The following VTI1A variants were observed in gnomAD, a reference collection of about 807,000 sequenced individuals.
The protein encoded by VTI1A is vesicle transport through interaction with t-SNAREs homolog 1A.
A neutral mutation model predicts 34.9 loss-of-function variants in VTI1A; 22 were observed. That is an observed-to-expected ratio of 0.63 (90% CI 0.45 to 0.90). VTI1A has a LOEUF of 0.90. VTI1A is among the 40% of genes least tolerant of loss of function. VTI1A has a pLI of 0.00. For synonymous variants in VTI1A, 87 were observed against 97.3 expected, an observed-to-expected ratio of 0.89 and a Z score of 0.62; for missense variants, 268 against 275.6, an observed-to-expected ratio of 0.97 and a Z score of 0.20.
Position 112,763,693 on chromosome 10 carries a change from A to G in VTI1A, c.561-51597A>G, listed in dbSNP as rs142492214. ...TGTGTTTGGGAGTTTTGTACAATAT[A>G]TTGATATAAGCTCTCTTGGTTTGGG... On this transcript the variant is annotated intron_variant, in intron 7 of 7. Transcript: ENST00000393077. 2.6e-3 allele frequency among the ~76,000 whole-genome samples: 389 copies of G among 152,206 alleles called. 3 individuals carry two copies. The highest frequency in any genetic ancestry group is 9.0e-3 in the African/African-American group (372 of 41,526).
intron 7 of VTI1A, among the ~76,000 whole-genome samples, chr10:112,709,974 T>C (rs758668359): frequency 1.1e-4 from 16 of 145,492 alleles, no homozygotes; most frequent in Non-Finnish European, 1.1e-4. Context: ...TTGCTTTGAT[T>C]GTACTGCTCT....
chr10:112,548,672 G>C (rs953359858), intron 5 of VTI1A: 5 of 1,197,698 alleles, frequency 4.2e-6, no homozygotes, highest in Admixed American at 1.7e-5. Context: ...GACTTTGCCA[G>C]CTCCAGCAGC....
At chr10:112,834,554 C>T in the VTI1A span, among the ~76,000 whole-genome samples, 1 of 152,222 alleles carries the variant, frequency 6.6e-6, no homozygotes, top group Non-Finnish European at 1.5e-5. Context: ...GTGCCACCTG[C>T]CCTGGGGAGA....
rs996489077 is a variant in VTI1A, at chr10:112,634,504, CACACACACAT to C, written c.428-33704_428-33695del. On this transcript the variant is annotated intron_variant, in intron 5 of 7. Coordinates refer to ENST00000393077, the MANE Select transcript of VTI1A (RefSeq NM_145206.4). ...GTGGTTATACACACACACACAGACA[CACACACACAT>C]ACACACACACACACACACACACACA... 8.8e-5 allele frequency among the ~76,000 whole-genome samples: 10 copies of C among 113,268 alleles called. 1 individual carries two copies. The highest frequency in any genetic ancestry group is 2.8e-4 in the African/African-American group (8 of 28,494). The allele number at this position is 113,268 out of a possible 152,430, so 74.3% of individuals were successfully genotyped here. A position where few individuals can be genotyped will look rare whatever the true frequency, so the allele number is the denominator to read the frequency against.
chr10:112,570,249 T>G (rs1381707725), intron 5 of VTI1A, among the ~76,000 whole-genome samples: 1 of 152,222 alleles, frequency 6.6e-6, no homozygotes, highest in Non-Finnish European at 1.5e-5. Context: ...ACAAAATTTT[T>G]TTTTTTAAGT....
chr10:112,549,239 G>C (rs1851254163), intron 5 of VTI1A, among the ~76,000 whole-genome samples: 1 of 151,286 alleles, frequency 6.6e-6, no homozygotes, highest in African/African-American at 2.4e-5. Context: ...GGTGAAAGTG[G>C]TATAAGATTA....
At chr10:112,783,391 G>A (rs550485416) in intron 7 of VTI1A, among the ~76,000 whole-genome samples, 153 of 106,310 alleles carry the variant, frequency 1.4e-3, no homozygotes, top group Non-Finnish European at 2.2e-3. Flanking sequence ...GTGCATGCCC[G>A]CGTGCACGTG....
chr10:112,753,049 A>G (rs1183491801), intron 7 of VTI1A, among the ~76,000 whole-genome samples: 1 of 143,278 alleles, frequency 7.0e-6, no homozygotes, highest in Non-Finnish European at 1.5e-5. Flanking sequence ...AAATTAAATT[A>G]GATTTAATTA....
chr10:112,478,476 A>G (rs1454227384), intron 3 of VTI1A, among the ~76,000 whole-genome samples: 2 of 152,242 alleles, frequency 1.3e-5, no homozygotes, highest in African/African-American at 4.8e-5. Flanking sequence ...TCTCAAGGTC[A>G]GAAAATTTCT....
chr10:112,544,625 GA>G (rs112556669), intron 5 of VTI1A, among the ~76,000 whole-genome samples: 66 of 139,826 alleles, frequency 4.7e-4, no homozygotes, highest in East Asian at 2.6e-3. Context: ...CCCGCCTCCA[GA>G]AAAAAAAAAA....
At chr10:112,657,837 A>G (rs1847290089) in intron 5 of VTI1A, among the ~76,000 whole-genome samples, 1 of 151,944 alleles carries the variant, frequency 6.6e-6, no homozygotes, top group Admixed American at 6.6e-5. Flanking sequence ...GTGTATATAT[A>G]TGCCTTAAAA....
chr10:112,454,082 G>C lies in VTI1A; in HGVS notation c.95-6442G>C, dbSNP rs59634038. Reference sequence around the variant, plus strand: ...ATTCTATACCATGTTACACAGGGTAGCATCAGTAATATACCCATTTAAAAA... The same window carrying C: ...ATTCTATACCATGTTACACAGGGTACCATCAGTAATATACCCATTTAAAAA... On this transcript the variant is annotated intron_variant, in intron 1 of 7. Transcript: ENST00000393077. Among the ~76,000 whole-genome samples the C allele has an allele frequency of 4.6e-3, 706 of 152,258 alleles. 4 individuals carry two copies. The highest frequency in any genetic ancestry group is 0.016 in the African/African-American group (672 of 41,544).
intron 5 of VTI1A, among the ~76,000 whole-genome samples, chr10:112,652,335 G>A (rs914155243): frequency 6.6e-6 from 1 of 152,142 alleles, no homozygotes; most frequent in African/African-American, 2.4e-5. Context: ...GGCTGTCACC[G>A]ACTGTCTCAG....
intron 3 of VTI1A, among the ~76,000 whole-genome samples, chr10:112,491,168 G>C (rs1046032680): frequency 1.3e-5 from 2 of 152,038 alleles, no homozygotes; most frequent in African/African-American, 4.8e-5. Context: ...AAATCCTAGA[G>C]GGAAAAAATG....
rs141767999 is a variant in VTI1A, at chr10:112,551,551, T to G, written c.427+13221T>G. 6.2e-3 allele frequency among the ~76,000 whole-genome samples: 950 copies of G among 152,312 alleles called. 6 individuals are homozygous for G. Among genetic ancestry groups the G allele is most frequent in the African/African-American group, 0.022 (899 of 41,572 alleles). ...CACCTGAAAGGGAAAATAGATTTCA[T>G]ATCATTTAGGAAGGAACAAATCCTG... On this transcript the variant is annotated intron_variant, in intron 5 of 7. Transcript: ENST00000393077.
At chr10:112,480,483 G>A (rs1173697975) in intron 3 of VTI1A, among the ~76,000 whole-genome samples, 2 of 152,124 alleles carry the variant, frequency 1.3e-5, no homozygotes, top group Non-Finnish European at 2.9e-5. Context: ...GGGATCGTAC[G>A]TGGAAACAGG....
chr10:112,773,681 A>C (rs1851877778), intron 7 of VTI1A, among the ~76,000 whole-genome samples: 1 of 152,226 alleles, frequency 6.6e-6, no homozygotes, highest in Non-Finnish European at 1.5e-5. Context: ...TTGTAGCCAT[A>C]GGACCAAGTG....
intron 7 of VTI1A, among the ~76,000 whole-genome samples, chr10:112,685,332 T>A (rs77024288): frequency 6.6e-6 from 1 of 152,178 alleles, no homozygotes; most frequent in Non-Finnish European, 1.5e-5. Context: ...ATAATTTTTT[T>A]CTCTTCTTTT....
At chr10:112,568,614 G>A (rs545814984) in intron 5 of VTI1A, among the ~76,000 whole-genome samples, 1 of 152,232 alleles carries the variant, frequency 6.6e-6, no homozygotes, top group South Asian at 2.1e-4. Context: ...GATAGCAAAT[G>A]GTTCTTGGAA....
Sources: allele counts gnomAD v4.1 joint callset (sites outside exome capture counted in the v4.1 genomes callset), GRCh38; gene constraint gnomAD v4.1.1; transcripts MANE v1.5; gene names NCBI Gene and HGNC (gene_info 2026-07-23, HGNC 2026-07-21).